The following SLC44A5 variants were observed in gnomAD, a reference collection of about 807,000 sequenced individuals.
SLC44A5 encodes choline transporter-like protein 5.
Under a neutral mutation model 101.8 loss-of-function variants are expected in SLC44A5, and 57 were observed. The ratio of observed to expected loss-of-function variants is 0.56; its 90% CI spans 0.45 to 0.70. SLC44A5 has a LOEUF of 0.70. Ranked by LOEUF, SLC44A5 falls within the 30% of genes least tolerant of loss-of-function variation. The probability of loss-of-function intolerance (pLI) is 0.00; values close to 1 mark genes in which losing one functional copy is unlikely to be tolerated. For synonymous variants in SLC44A5, 281 were observed against 290.9 expected (o/e 0.97, Z 0.35); for missense variants, 737 against 853.1 (o/e 0.86, Z 1.70).
intron 2 of SLC44A5, among the ~76,000 whole-genome samples, chr1:75,539,841 G>C (rs1246216415): frequency 6.6e-6 from 1 of 152,148 alleles, no homozygotes; most frequent in Non-Finnish European, 1.5e-5. Context: ...ATGATGAAAG[G>C]TGTGATATCT....
chr1:75,215,707 G>A (rs951446669), intron 19 of SLC44A5, 47 bp downstream of exon 19: 6 of 1,120,438 alleles, frequency 5.4e-6, no homozygotes, highest in African/African-American at 3.1e-5. Flanking sequence ...CACAAGGTTT[G>A]GGATTGCAAA....
chr1:75,548,628 C>T (rs916398872), intron 1 of SLC44A5, among the ~76,000 whole-genome samples: 16 of 152,050 alleles, frequency 1.1e-4, no homozygotes, highest in African/African-American at 3.1e-4. Flanking sequence ...TAACACATCT[C>T]GCATCTGTGA....
At chr1:75,396,528 A>G in intron 3 of SLC44A5, 55 bp downstream of exon 3, 3 of 1,369,852 alleles carry the variant, frequency 2.2e-6, no homozygotes, top group East Asian at 2.3e-5. Context: ...ATATTTCTCA[A>G]TGGATAGACT....
At chr1:75,339,717 T>G (rs1657724978) in intron 3 of SLC44A5, 87 bp from the exon 4 acceptor site, 1 of 1,185,664 alleles carries the variant, frequency 8.4e-7, no homozygotes, top group Non-Finnish European at 1.2e-6. Context: ...TACATATTGG[T>G]TAGTCCACTG....
the SLC44A5 span, among the ~76,000 whole-genome samples, chr1:75,695,862 C>A: frequency 2.0e-5 from 3 of 149,138 alleles, no homozygotes; most frequent in Admixed American, 1.3e-4. Context: ...TATATATAAA[C>A]CTGATACTGA....
intron 1 of SLC44A5, among the ~76,000 whole-genome samples, chr1:75,562,622 GT>G (rs1048309270): frequency 3.3e-5 from 5 of 152,078 alleles, no homozygotes; most frequent in Admixed American, 2.6e-4. Flanking sequence ...CGGAGATGGA[GT>G]CTGCAGTGAG....
chr1:75,242,574 AT>A (rs770055870), intron 8 of SLC44A5, among the ~76,000 whole-genome samples: 17 of 152,086 alleles, frequency 1.1e-4, no homozygotes, highest in Non-Finnish European at 2.1e-4. Context: ...CGAAATGGTG[AT>A]TGCAAATGAC....
chr1:75,481,755 AC>A (rs1393564205), intron 2 of SLC44A5, among the ~76,000 whole-genome samples: 16 of 152,228 alleles, frequency 1.1e-4, no homozygotes, highest in Non-Finnish European at 1.8e-4. Flanking sequence ...TCAGGAAACA[AC>A]AGGTGCTGGA....
chr1:75,437,217 T>C (rs921848315), intron 2 of SLC44A5, among the ~76,000 whole-genome samples: 5 of 152,296 alleles, frequency 3.3e-5, no homozygotes, highest in African/African-American at 1.2e-4. Flanking sequence ...TTCTGTACTG[T>C]CCATAGTTGT....
chr1:75,681,287 G>A, the SLC44A5 span, among the ~76,000 whole-genome samples: 9 of 152,036 alleles, frequency 5.9e-5, no homozygotes, highest in Admixed American at 1.3e-4. Flanking sequence ...TACCAAAGCC[G>A]GGCAGAGACA....
chr1:75,600,303 G>T (rs1262910859), intron 1 of SLC44A5, among the ~76,000 whole-genome samples: 1 of 152,062 alleles, frequency 6.6e-6, no homozygotes, highest in Non-Finnish European at 1.5e-5. Context: ...TATGAACCAA[G>T]ACTAGATGGT....
chr1:75,571,563 A>C (rs1403227948), intron 1 of SLC44A5, among the ~76,000 whole-genome samples: 5 of 152,216 alleles, frequency 3.3e-5, no homozygotes, highest in Non-Finnish European at 7.3e-5. Context: ...TTCAAAAAAA[A>C]ACATGAGATA....
At chr1:75,314,207 CA>C (rs959348421) in intron 4 of SLC44A5, among the ~76,000 whole-genome samples, 3 of 152,082 alleles carry the variant, frequency 2.0e-5, no homozygotes, top group Non-Finnish European at 4.4e-5. Flanking sequence ...TGTCAGCTAC[CA>C]AAAAGCCACT....
At chr1:75,340,075 A>T (rs1013081234) in intron 3 of SLC44A5, among the ~76,000 whole-genome samples, 9 of 152,204 alleles carry the variant, frequency 5.9e-5, no homozygotes, top group Non-Finnish European at 1.0e-4. Context: ...TCCTTCGAGA[A>T]GTTCAAATAC....
the SLC44A5 span, among the ~76,000 whole-genome samples, chr1:75,649,352 T>C: frequency 7.2e-5 from 11 of 152,214 alleles, no homozygotes; most frequent in African/African-American, 2.7e-4. Flanking sequence ...GTTATTTCTA[T>C]TTATTACTTA....
At position 75,481,738 on chromosome 1, in the gene SLC44A5, G is replaced by T. The variant is rs1236634193; in HGVS notation, c.13+59697C>A. Among the ~76,000 whole-genome samples the T allele has an allele frequency of 3.9e-5, 6 of 152,278 alleles. No individual in the cohort carries two copies. In the South Asian group the frequency reaches 8.3e-4, roughly 21 times the overall value. On this transcript the variant is annotated intron_variant, in intron 2 of 23. Transcript: ENST00000370859. ...TCACATCAGTTACAATGGCAACCAT[G>T]AAAAAGTCAGGAAACAACAGGTGCT...
intron 6 of SLC44A5, among the ~76,000 whole-genome samples, chr1:75,263,535 G>C (rs965765714): frequency 4.6e-5 from 7 of 152,188 alleles, no homozygotes; most frequent in Non-Finnish European, 8.8e-5. Context: ...GTTGGTAGGA[G>C]TGTAAATTAG....
intron 2 of SLC44A5, among the ~76,000 whole-genome samples, chr1:75,511,551 C>T (rs1669573286): frequency 6.6e-6 from 1 of 152,094 alleles, no homozygotes; most frequent in Non-Finnish European, 1.5e-5. Flanking sequence ...AAAATATCAT[C>T]TATTAAATTT....
chr1:75,698,253 G>C, the SLC44A5 span, among the ~76,000 whole-genome samples: 1 of 152,216 alleles, frequency 6.6e-6, no homozygotes, highest in Non-Finnish European at 1.5e-5. Context: ...AAATGTCCCT[G>C]TCTGACAGCT....
Sources: gnomAD v4.1 joint callset for allele counts (sites outside exome capture counted in the v4.1 genomes callset) on GRCh38, gnomAD v4.1.1 for gene constraint, MANE v1.5 for transcripts, NCBI Gene and HGNC (gene_info 2026-07-23, HGNC 2026-07-21) for gene names.